ASPHD1: variants seen among roughly 807,000 people sequenced by gnomAD.
ASPHD1 encodes aspartate beta-hydroxylase domain-containing protein 1.
ASPHD1 carries 20 observed loss-of-function variants against 28.3 expected under a neutral mutation model. That is an observed-to-expected ratio of 0.71 (90% confidence interval 0.50 to 1.03). The LOEUF is 1.03. Ranked by LOEUF, ASPHD1 falls within the 50% of genes least tolerant of loss-of-function variation. The pLI is 0.00. For synonymous variants in ASPHD1, 240 were observed against 221.2 expected (o/e 1.08, Z -0.75); for missense variants, 479 against 524.1 (o/e 0.91, Z 0.84).
intron 3 of ASPHD1, among the ~76,000 whole-genome samples, chr16:29,919,248 C>T (rs759541150): frequency 1.9e-4 from 29 of 151,942 alleles, no homozygotes; most frequent in Non-Finnish European, 3.5e-4. Flanking sequence ...AAGCCAGCAT[C>T]GTGAGGAAAA....
At position 29,901,777 on chromosome 16, in the gene ASPHD1, CG is replaced by C; in HGVS notation, c.811del (p.Ala271ProfsTer5). ...CAACCCAGCAACTGCCGCCGGTGCC[CG>C]GGGGCCTATCGGGCACTGAGGGGGC... Reference protein sequence around the residue: ...RCQPSNCRRCPGAYRALRGLR... With the variant: ...RCQPSNCRRCXGAYRALRGLR... On this transcript the variant is annotated frameshift_variant, in exon 1 of 3. Coordinates refer to ENST00000308748, the MANE Select transcript of ASPHD1 (RefSeq NM_181718.4). LOFTEE classifies it high-confidence loss of function. This position sits in a 1 kb window ranked among gnomAD's most constrained non-coding sequence, Gnocchi z 5.1. The C allele has an allele frequency of 4.5e-6, 7 of 1,556,418 alleles. No individual in the cohort carries two copies. The highest frequency in any genetic ancestry group is 2.4e-5 in the South Asian group (2 of 83,926).
chr16:29,909,529 G>C (rs1350698705), downstream of ASPHD1, among the ~76,000 whole-genome samples: 1 of 152,118 alleles, frequency 6.6e-6, no homozygotes, highest in Non-Finnish European at 1.5e-5. Context: ...TTGATTTCCA[G>C]CCCGGTACAG....
chr16:29,904,609 T>C (rs1434868033), intron 1 of ASPHD1, among the ~76,000 whole-genome samples: 1 of 134,294 alleles, frequency 7.4e-6, no homozygotes, highest in Non-Finnish European at 1.5e-5. Flanking sequence ...TGAGACTTTG[T>C]CTCAAAAAAA....
At chr16:29,911,408 C>T (rs1411507074) in intron 3 of ASPHD1, 4 of 565,810 alleles carry the variant, frequency 7.1e-6, no homozygotes, top group African/African-American at 3.8e-5. Flanking sequence ...GGACCGGGAG[C>T]CAGGCCACCT....
chr16:29,917,339 G>T (rs2068827671), intron 3 of ASPHD1, among the ~76,000 whole-genome samples: 1 of 151,968 alleles, frequency 6.6e-6, no homozygotes, highest in Non-Finnish European at 1.5e-5. Flanking sequence ...ACCCATATAT[G>T]AAAAAAATCC....
rs117594597 is a variant in ASPHD1, at chr16:29,911,297, G to C, written c.*62+5338G>C. ...GCCCAGGGCTTTGGTGCTCAACAGA[G>C]AGCCTCCTCCACCCCTGGGGCCAGG... On this transcript the variant is annotated intron_variant and NMD_transcript_variant, in intron 3 of 3. Coordinates refer to the ASPHD1 transcript ENST00000414952. The C allele has an allele frequency of 3.0e-4, 224 of 749,976 alleles. No homozygotes were observed. In the East Asian group the frequency reaches 6.0e-3, roughly 20 times the overall value. 46.5% of individuals were successfully genotyped at this position (749,976 alleles called of 1,614,324 possible).
chr16:29,910,738 C>T (rs998695343), downstream of ASPHD1, among the ~76,000 whole-genome samples: 2 of 152,166 alleles, frequency 1.3e-5, no homozygotes, highest in Non-Finnish European at 2.9e-5. Flanking sequence ...TTGCAAACAG[C>T]CTTGAAACCC....
chr16:29,900,715 G>GT lies in ASPHD1; in HGVS notation c.-255dup. On this transcript the variant is annotated 5_prime_UTR_variant, in exon 1 of 3. Transcript: ENST00000308748. The stretch of plus-strand genomic sequence containing the variant: ...TGCCGCGGAGGAAGACAGGCTGCGG[G>GT]TTCCCGGGACTGCAGGTCCAGGCAG... 1 of 564,140 alleles carries GT rather than the reference G, an allele frequency of 1.8e-6. No homozygotes were observed. Among genetic ancestry groups the GT allele is most frequent in the Admixed American group, 3.3e-5 (1 of 30,464 alleles). The allele number at this position is 564,140 out of a possible 1,614,324, so 34.9% of individuals were successfully genotyped here. A position where few individuals can be genotyped will look rare whatever the true frequency, so the allele number is the denominator to read the frequency against.
At chr16:29,910,557 C>A (rs528082214), downstream of ASPHD1, among the ~76,000 whole-genome samples, 3 of 152,074 alleles carry the variant, frequency 2.0e-5, no homozygotes, top group Non-Finnish European at 4.4e-5. Context: ...TCAGGTCCCA[C>A]GATGTTGCCC....
intron 3 of ASPHD1, chr16:29,911,874 G>C: frequency 6.2e-7 from 1 of 1,612,312 alleles, no homozygotes; most frequent in Non-Finnish European, 8.5e-7. Flanking sequence ...CGGGCTGGCG[G>C]GGGAGAGAGG....
At chr16:29,918,702 G>C (rs1045652064) in intron 3 of ASPHD1, among the ~76,000 whole-genome samples, 4 of 151,976 alleles carry the variant, frequency 2.6e-5, no homozygotes, top group Non-Finnish European at 1.5e-5. Flanking sequence ...TGTTGCCCAG[G>C]CTGGAGTGCA....
chr16:29,916,282 T>G (rs2068808062), intron 3 of ASPHD1, among the ~76,000 whole-genome samples: 1 of 152,152 alleles, frequency 6.6e-6, no homozygotes, highest in South Asian at 2.1e-4. Flanking sequence ...AGAGACAAGG[T>G]CTCACTATAT....
chr16:29,903,959 G>A (rs1283089500), intron 1 of ASPHD1, among the ~76,000 whole-genome samples: 3 of 151,994 alleles, frequency 2.0e-5, no homozygotes, highest in Admixed American at 6.6e-5. Context: ...TCAAACTGTC[G>A]AAAGCCCAGG....
At chr16:29,902,001 C>T (rs1461691458) in intron 1 of ASPHD1, 81 bp downstream of exon 1, 3 of 1,149,370 alleles carry the variant, frequency 2.6e-6, no homozygotes, top group African/African-American at 1.6e-5. Context: ...GAGCCGTCTG[C>T]TGTCTGGTTC....
downstream of ASPHD1, among the ~76,000 whole-genome samples, chr16:29,907,523 A>G (rs2068634259): frequency 6.6e-6 from 1 of 152,200 alleles, no homozygotes; most frequent in South Asian, 2.1e-4. Context: ...GCAGTGACTC[A>G]GGCCTGTAAT....
intron 1 of ASPHD1, 137 bp downstream of exon 1, chr16:29,902,057 C>T (rs2068557424): frequency 3.1e-6 from 2 of 637,270 alleles, no homozygotes; most frequent in African/African-American, 3.8e-5. Context: ...CCACCCACAG[C>T]AGCATTTCCT....
In ASPHD1 at chr16:29,913,212, T is replaced by A. The variant is rs562256618; in HGVS notation, c.*63-6319T>A. ...ACCACAGCTTACAGCAGCCTTGACC[T>A]CCTGGGCTCAAGCCATCCTCCCAAA... On this transcript the variant is annotated intron_variant and NMD_transcript_variant, in intron 3 of 3. Transcript: ENST00000414952. 4 of 146,450 alleles carry A rather than the reference T, an allele frequency of 2.7e-5. No individual in the cohort carries two copies. The East Asian group carries it at 6.4e-4, about 23-fold the overall frequency. 9.1% of individuals were successfully genotyped at this position (146,450 alleles called of 1,614,324 possible).
intron 2 of ASPHD1, 111 bp downstream of exon 2, chr16:29,905,076 C>G: frequency 1.4e-6 from 1 of 730,492 alleles, no homozygotes; most frequent in Non-Finnish European, 2.3e-6. Flanking sequence ...CCACCACCAT[C>G]TTCCAGCTGC....
intron 3 of ASPHD1, among the ~76,000 whole-genome samples, chr16:29,917,564 G>A (rs1300821650): frequency 6.6e-6 from 1 of 152,018 alleles, no homozygotes; most frequent in African/African-American, 2.4e-5. Flanking sequence ...GGCGGATCAC[G>A]AGGTCAGGAG....
Sources: gnomAD v4.1 joint callset for allele counts (sites outside exome capture counted in the v4.1 genomes callset) on GRCh38, gnomAD v4.1.1 for gene constraint, Gnocchi (gnomAD v3.1) non-coding constraint, MANE v1.5 for transcripts, NCBI Gene and HGNC (gene_info 2026-07-23, HGNC 2026-07-21) for gene names.